UBE2E3: variants seen among roughly 807,000 people sequenced by gnomAD.
UBE2E3 encodes the protein ubiquitin-conjugating enzyme E2 E3.
In UBE2E3, 5 loss-of-function variants were observed where a neutral mutation model predicts 23.6. The ratio of observed to expected loss-of-function variants is 0.21; its 90% CI spans 0.11 to 0.44. The LOEUF (loss-of-function observed/expected upper bound fraction) is 0.44. Ranked by LOEUF, UBE2E3 falls within the 20% of genes least tolerant of loss-of-function variation. UBE2E3 has a pLI of 0.99. For missense variants in UBE2E3, 81 were observed against 249.8 expected (o/e 0.32, Z 4.55); for synonymous variants, 78 against 87.5 (o/e 0.89, Z 0.60).
chr2:181,018,567 T>C (rs1685569332), intron 3 of UBE2E3, among the ~76,000 whole-genome samples: 1 of 150,846 alleles, frequency 6.6e-6, no homozygotes, highest in South Asian at 2.1e-4. Context: ...TTTTATTTGC[T>C]GATCTCCCTG....
At chr2:180,998,689 A>C (rs151279154) in intron 3 of UBE2E3, among the ~76,000 whole-genome samples, 6 of 152,162 alleles carry the variant, frequency 3.9e-5, no homozygotes, top group Non-Finnish European at 5.9e-5. Context: ...TCTATAGTTA[A>C]AGACTTAATG....
chr2:181,060,861 C>CTTTTTTT (rs71029902), intron 5 of UBE2E3, 49 bp downstream of exon 5: 1 of 238,396 alleles, frequency 4.2e-6, no homozygotes, highest in African/African-American at 5.8e-5. Context: ...AAAACGAGTG[C>CTTTTTTT]TTTTTTTTTT....
chr2:181,031,633 T>TCCTTG (rs977724848), intron 3 of UBE2E3, among the ~76,000 whole-genome samples: 3 of 152,162 alleles, frequency 2.0e-5, no homozygotes, highest in African/African-American at 7.2e-5. Flanking sequence ...GCGCCCCTCC[T>TCCTTG]CCTTGCCTTG....
At chr2:181,041,098 A>C (rs1223092534) in intron 3 of UBE2E3, among the ~76,000 whole-genome samples, 2 of 151,988 alleles carry the variant, frequency 1.3e-5, no homozygotes, top group East Asian at 1.9e-4. Flanking sequence ...AAATAAAAAA[A>C]TTAGACGGGT....
intron 3 of UBE2E3, among the ~76,000 whole-genome samples, chr2:181,055,913 G>C (rs1221167259): frequency 6.6e-6 from 1 of 151,612 alleles, no homozygotes; most frequent in Non-Finnish European, 1.5e-5. Context: ...ATTTTATAAA[G>C]TAATGGTGTG....
intron 3 of UBE2E3, among the ~76,000 whole-genome samples, chr2:181,034,502 G>A (rs1686200436): frequency 6.6e-6 from 1 of 152,134 alleles, no homozygotes; most frequent in Non-Finnish European, 1.5e-5. Context: ...ACAGGAAGGG[G>A]AACATCACAC....
intron 3 of UBE2E3, among the ~76,000 whole-genome samples, chr2:181,048,252 A>G (rs1222566631): frequency 2.0e-5 from 3 of 152,126 alleles, no homozygotes; most frequent in East Asian, 1.9e-4. Flanking sequence ...ATTAAGATCT[A>G]TATCCTCAGC....
chr2:180,999,693 A>G (rs915352396), intron 3 of UBE2E3, among the ~76,000 whole-genome samples: 13 of 152,084 alleles, frequency 8.5e-5, no homozygotes, highest in South Asian at 2.1e-4. Flanking sequence ...TACATCAAGG[A>G]CATCCACATG....
rs572240680 is a variant in UBE2E3 at position 181,020,063 on chromosome 2, T to C, written c.245+35970T>C. 1.3e-4 allele frequency among the ~76,000 whole-genome samples: 20 copies of C among 152,308 alleles called. No homozygotes were observed. The South Asian group carries it at 1.5e-3, about 11-fold the overall frequency. On this transcript the variant is annotated intron_variant, in intron 3 of 5. Transcript: ENST00000410062. ...TTTGCATCTCTGAGTTTGACTACTG[T>C]ATTTCTTATCTGTTTTTGTGGGAAG...
intron 3 of UBE2E3, chr2:180,987,296 G>A (rs1574155126): frequency 1.9e-6 from 3 of 1,545,156 alleles, no homozygotes; most frequent in South Asian, 2.4e-5. Flanking sequence ...GAATTGTTTA[G>A]TGATGTGTTA....
intron 4 of UBE2E3, among the ~76,000 whole-genome samples, chr2:181,060,046 G>A (rs993356752): frequency 3.3e-5 from 5 of 151,578 alleles, no homozygotes; most frequent in African/African-American, 1.2e-4. Flanking sequence ...CCTTTATCCA[G>A]TAGCTAAAAA....
intron 3 of UBE2E3, among the ~76,000 whole-genome samples, chr2:181,056,543 G>A (rs1316607275): frequency 1.3e-5 from 2 of 151,672 alleles, no homozygotes; most frequent in Non-Finnish European, 3.0e-5. Context: ...AGTTCTCTTG[G>A]GAACTAATTC....
At chr2:181,019,412 A>T (rs1232648996) in intron 3 of UBE2E3, among the ~76,000 whole-genome samples, 1 of 152,220 alleles carries the variant, frequency 6.6e-6, no homozygotes, top group African/African-American at 2.4e-5. Flanking sequence ...TTCTACCTGT[A>T]ATATAAACTT....
intron 3 of UBE2E3, among the ~76,000 whole-genome samples, chr2:181,040,360 C>T (rs1453126098): frequency 6.6e-6 from 1 of 152,140 alleles, no homozygotes; most frequent in African/African-American, 2.4e-5. Flanking sequence ...AATTAGATGT[C>T]ATTTATTTCT....
At chr2:181,027,795 C>CT (rs1311092236) in intron 3 of UBE2E3, among the ~76,000 whole-genome samples, 4 of 151,934 alleles carry the variant, frequency 2.6e-5, no homozygotes, top group Non-Finnish European at 4.4e-5. Flanking sequence ...TGCCATAACT[C>CT]TACTTTCCTA....
rs182184469 is a variant in UBE2E3 at position 181,000,386 on chromosome 2, G to A, written c.245+16293G>A. 1.0e-3 allele frequency among the ~76,000 whole-genome samples: 156 copies of A among 152,164 alleles called. 1 individual carries two copies. The Middle Eastern group carries it at 0.014, about 13-fold the overall frequency. ...AAGCTATTGGAAAACTTTGCAAATA[G>A]GCATATATATTACTGGTTGAATCTA... On this transcript the variant is annotated intron_variant, in intron 3 of 5. Coordinates refer to ENST00000410062, the MANE Select transcript of UBE2E3 (RefSeq NM_006357.4).
chr2:181,000,576 A>T (rs1239753565), intron 3 of UBE2E3, among the ~76,000 whole-genome samples: 4 of 144,526 alleles, frequency 2.8e-5, no homozygotes, highest in African/African-American at 1.0e-4. Flanking sequence ...TTTTTTTGAG[A>T]CAGAGTCTCG....
At chr2:181,030,974 G>C (rs4667030) in intron 3 of UBE2E3, among the ~76,000 whole-genome samples, 35,324 of 151,870 alleles carry the variant, frequency 0.23, 4,479 homozygotes, top group Non-Finnish European at 0.28. Flanking sequence ...ATACTATTAC[G>C]TTTGTTACCT....
intron 3 of UBE2E3, among the ~76,000 whole-genome samples, chr2:180,999,084 A>G (rs1047644070): frequency 6.6e-6 from 1 of 152,150 alleles, no homozygotes; most frequent in South Asian, 2.1e-4. Context: ...TGAATCCCTA[A>G]ACATAACACC....
Sources: gnomAD v4.1 joint callset for allele counts (sites outside exome capture counted in the v4.1 genomes callset) on GRCh38, gnomAD v4.1.1 for gene constraint, MANE v1.5 for transcripts, NCBI Gene and HGNC (gene_info 2026-07-23, HGNC 2026-07-21) for gene names.